The following CCNB3 variants were observed in gnomAD, a reference collection of about 807,000 sequenced individuals.
CCNB3 encodes the protein G2/mitotic-specific cyclin-B3.
In CCNB3, 12 loss-of-function variants were observed where a neutral mutation model predicts 68.0. The observed-to-expected ratio is 0.18, with a 90% CI of 0.11 to 0.29. The LOEUF is 0.29. Among genes scored for constraint, CCNB3 ranks in the 10% least tolerant of loss-of-function variants. CCNB3 has a pLI of 1.00. For missense variants in CCNB3, 904 were observed against 993.1 expected, an observed-to-expected ratio of 0.91 and a Z score of 1.21; for synonymous variants, 354 against 388.9, an observed-to-expected ratio of 0.91 and a Z score of 1.06.
chrX:50,305,357 G>A lies in CCNB3; in HGVS notation c.336-3148G>A, dbSNP rs781902799. ...ATGATGAGTTCATGTCCTTTGTAGGGACATGGATGAAGCTGGAAACCACTG... is the reference window on the plus strand; with the variant it reads ...ATGATGAGTTCATGTCCTTTGTAGGAACATGGATGAAGCTGGAAACCACTG... On this transcript the variant is annotated intron_variant, in intron 5 of 12. Transcript: ENST00000376042. Among the ~76,000 whole-genome samples the A allele has an allele frequency of 2.9e-3, 329 of 111,560 alleles. 2 individuals carry two copies. Among genetic ancestry groups the A allele is most frequent in the Non-Finnish European group, 5.0e-3 (268 of 53,111 alleles).
chrX:50,347,809 A>G, intron 11 of CCNB3, 34 bp downstream of exon 11: 6 of 1,175,183 alleles, frequency 5.1e-6, no homozygotes, highest in Non-Finnish European at 6.9e-6. Flanking sequence ...ATAGGGGTAG[A>G]GATTTAAAAA....
chrX:50,228,279 T>A (rs1369755089), intron 1 of CCNB3, among the ~76,000 whole-genome samples: 1 of 86,068 alleles, frequency 1.2e-5, no homozygotes, highest in African/African-American at 4.2e-5. Flanking sequence ...AATACATATG[T>A]AGAATATATA....
intron 5 of CCNB3, among the ~76,000 whole-genome samples, chrX:50,301,658 A>T (rs782593836): frequency 1.0e-3 from 115 of 112,304 alleles, no homozygotes; most frequent in African/African-American, 3.6e-3. Flanking sequence ...CTCTCTTCAA[A>T]GCTGTCAGAC....
At position 50,300,226 on chromosome X, in the gene CCNB3, C is replaced by T. The variant is rs190302585; in HGVS notation, c.335+5233C>T. On this transcript the variant is annotated intron_variant, in intron 5 of 12. Transcript: ENST00000376042. ...ATTAGTTGGTGCAGTTTCTTCCTAT[C>T]CTTGACGGTCTTTACAATTTGGCAT... Among the ~76,000 whole-genome samples, 632 of 111,599 alleles carry T rather than the reference C, an allele frequency of 5.7e-3. 5 individuals carry two copies. The highest frequency in any genetic ancestry group is 9.6e-3 in the Non-Finnish European group (511 of 53,168).
intron 1 of CCNB3, among the ~76,000 whole-genome samples, chrX:50,279,731 T>G (rs1936067260): frequency 1.1e-5 from 1 of 91,425 alleles, no homozygotes; most frequent in African/African-American, 3.9e-5. Flanking sequence ...TGTAAATATA[T>G]ATGATTATGT....
chrX:50,289,051 G>T (rs782115831), intron 4 of CCNB3, among the ~76,000 whole-genome samples, 164 bp downstream of exon 4: 1 of 111,744 alleles, frequency 8.9e-6, no homozygotes, highest in Non-Finnish European at 1.9e-5. Flanking sequence ...CTCTGTTCCT[G>T]GCACATACCA....
chrX:50,279,440 A>G (rs1350931347), intron 1 of CCNB3, among the ~76,000 whole-genome samples: 40 of 72,241 alleles, frequency 5.5e-4, no homozygotes, highest in Non-Finnish European at 8.1e-4. Context: ...ATAAATATAT[A>G]TATAAATATA....
At chrX:50,220,633 G>T (rs1377982255) in intron 1 of CCNB3, among the ~76,000 whole-genome samples, 2 of 111,689 alleles carry the variant, frequency 1.8e-5, no homozygotes, top group African/African-American at 3.3e-5. Context: ...CAACTTGATC[G>T]TGGTGGATAA....
chrX:50,216,296 TCTCA>T (rs1935571762), intron 1 of CCNB3, among the ~76,000 whole-genome samples: 1 of 106,832 alleles, frequency 9.4e-6, no homozygotes, highest in East Asian at 2.9e-4. Context: ...TGAGACAGAG[TCTCA>T]CTCTGTTGCC....
rs1923263262 is a variant in CCNB3 at position 50,343,876 on chromosome X, A to T, written c.3654+1537A>T. Among the ~76,000 whole-genome samples the T allele has an allele frequency of 2.7e-5, 3 of 112,203 alleles. No homozygotes were observed. The South Asian group carries it at 1.1e-3, about 42-fold the overall frequency. On this transcript the variant is annotated intron_variant, in intron 9 of 12. Transcript: ENST00000376042. The stretch of plus-strand genomic sequence containing the variant: ...AAGGTTAATTTATTATCGAAGAAAA[A>T]ATATTTTTTATGAATTTAGTGTCGC...
chrX:50,333,110 C>T (rs1008212271), intron 8 of CCNB3, among the ~76,000 whole-genome samples: 3 of 111,575 alleles, frequency 2.7e-5, no homozygotes, highest in Admixed American at 1.9e-4. Context: ...TCCACCTTTC[C>T]GGAACTCTGA....
chrX:50,301,480 A>T (rs1936633590), intron 5 of CCNB3, among the ~76,000 whole-genome samples: 1 of 111,239 alleles, frequency 9.0e-6, no homozygotes, highest in Non-Finnish European at 1.9e-5. Flanking sequence ...TTGCTGCCTG[A>T]TTGTTCCTCT....
chrX:50,322,636 A>G (rs1905765999), intron 8 of CCNB3, among the ~76,000 whole-genome samples: 1 of 112,033 alleles, frequency 8.9e-6, no homozygotes, highest in South Asian at 3.7e-4. Flanking sequence ...TGAACAGGAA[A>G]CCTATAGAAT....
intron 10 of CCNB3, 58 bp downstream of exon 10, chrX:50,346,865 C>A (rs1372045706): frequency 9.9e-6 from 11 of 1,108,251 alleles, no homozygotes; most frequent in Non-Finnish European, 1.2e-5. Context: ...TCCTTTATAC[C>A]CAGAGTAGCT....
At chrX:50,211,329 C>A (rs1454438499) in intron 1 of CCNB3, among the ~76,000 whole-genome samples, 1 of 111,086 alleles carries the variant, frequency 9.0e-6, no homozygotes, top group Non-Finnish European at 1.9e-5. Flanking sequence ...GTGAAAAAAT[C>A]TTTATCCTGC....
At position 50,226,190 on chromosome X, in the gene CCNB3, A is replaced by AATATATATACAATATATATATTT. The variant is rs1178932680; in HGVS notation, c.-113+21249_-113+21250insCAATATATATATTTATATATATA. Among the ~76,000 whole-genome samples, 82 of 28,652 alleles carry AATATATATACAATATATATATTT rather than the reference A, an allele frequency of 2.9e-3. 8 individuals are homozygous for AATATATATACAATATATATATTT. Among genetic ancestry groups the AATATATATACAATATATATATTT allele is most frequent in the African/African-American group, 7.6e-3 (80 of 10,468 alleles). The allele number at this position is 28,652 out of a possible 115,157, so 24.9% of individuals were successfully genotyped here. On this transcript the variant is annotated intron_variant, in intron 1 of 12. Coordinates refer to ENST00000376042, the MANE Select transcript of CCNB3 (RefSeq NM_033031.3). ...TCGAATATACATATATAGATATATAAATATATATAGAATATATATATTTAT... is the reference window on the plus strand; with the variant it reads ...TCGAATATACATATATAGATATATAAATATATATACAATATATATATTTATATATATAGAATATATATATTTAT...
chrX:50,285,229 T>C lies in CCNB3; in HGVS notation c.66T>C (p.Ile22=). The C allele has an allele frequency of 1.4e-5, 17 of 1,209,975 alleles. No individual in the cohort carries two copies. The highest frequency in any genetic ancestry group is 1.9e-5 in the Non-Finnish European group (17 of 894,042). Residue 22 remains isoleucine (I), a synonymous_variant, in exon 3 of 13, where the codon ATT becomes ATC. Transcript: ENST00000376042. ...CTAAGAAATCTCAGTCCAGCAAAAT[T>C]GTGCCCAGTCATCATGACCCATCTG... ...PVPKKSQSSK[I]VPSHHDPSEK... is the part of the protein sequence containing the mutation.
rs184128743 is a variant in CCNB3, at chrX:50,333,875, T to C, written c.3517-8327T>C. Among the ~76,000 whole-genome samples the C allele has an allele frequency of 6.6e-4, 73 of 111,433 alleles. 2 individuals carry two copies. In the East Asian group the frequency reaches 0.017, roughly 26 times the overall value. On this transcript the variant is annotated intron_variant, in intron 8 of 12. Coordinates refer to ENST00000376042, the MANE Select transcript of CCNB3 (RefSeq NM_033031.3). ...CCCCTGCAGTGCATGACTGCCACCT[T>C]CTGAGGTTTCCACACTGCCTCTAGT...
At chrX:50,328,635 G>A (rs1922421186) in intron 8 of CCNB3, among the ~76,000 whole-genome samples, 1 of 111,091 alleles carries the variant, frequency 9.0e-6, no homozygotes, top group Admixed American at 9.5e-5. Context: ...TTCACCCCTG[G>A]CCCCTCAAAT....
Sources: gnomAD v4.1 joint callset for allele counts (sites outside exome capture counted in the v4.1 genomes callset) on GRCh38, gnomAD v4.1.1 for gene constraint, MANE v1.5 for transcripts, NCBI Gene and HGNC (gene_info 2026-07-23, HGNC 2026-07-21) for gene names.